UBE2W: variants seen among roughly 807,000 people sequenced by gnomAD.
The protein encoded by UBE2W is ubiquitin conjugating enzyme E2 W.
Under a neutral mutation model 27.2 loss-of-function variants are expected in UBE2W, and 18 were observed. The observed-to-expected ratio is 0.66, with a 90% CI of 0.46 to 0.98. UBE2W has a LOEUF of 0.98. Among genes scored for constraint, UBE2W ranks in the 50% least tolerant of loss-of-function variants. The pLI is 0.00. For synonymous variants in UBE2W, 53 were observed against 57.2 expected (o/e 0.93, Z 0.33); for missense variants, 90 against 180.2 (o/e 0.50, Z 2.87).
At chr8:73,828,501 G>C (rs1809942260) in intron 2 of UBE2W, among the ~76,000 whole-genome samples, 2 of 152,124 alleles carry the variant, frequency 1.3e-5, no homozygotes, top group Non-Finnish European at 2.9e-5. Context: ...GTCGAAATGA[G>C]TATAGTTAGT....
intron 1 of UBE2W, among the ~76,000 whole-genome samples, chr8:73,877,532 G>A (rs1442060405): frequency 6.6e-6 from 1 of 152,090 alleles, no homozygotes; most frequent in Admixed American, 6.5e-5. Context: ...TTGTACAAAA[G>A]AGGAAGAAGA....
chr8:73,790,969 A>G lies in UBE2W; in HGVS notation c.*3133T>C, dbSNP rs1586433521. On this transcript the variant is annotated 3_prime_UTR_variant, in exon 6 of 6. Coordinates refer to ENST00000602593, the MANE Select transcript of UBE2W (RefSeq NM_018299.6). ...TTCATGAGGGAAAAGGTAATAAACT[A>G]TTCTAGTTATTTTATACCAAATATT... The G allele has an allele frequency of 1.1e-5, 11 of 980,460 alleles. 1 individual carries two copies. In the East Asian group the frequency reaches 4.5e-4, roughly 40 times the overall value. 60.7% of individuals were successfully genotyped at this position (980,460 alleles called of 1,614,324 possible).
At chr8:73,838,301 C>T (rs1353542005) in intron 1 of UBE2W, among the ~76,000 whole-genome samples, 1 of 152,052 alleles carries the variant, frequency 6.6e-6, no homozygotes. Flanking sequence ...GTAAGAAAAC[C>T]ATTGACAAAT....
At chr8:73,829,460 T>C (rs901863386) in intron 2 of UBE2W, among the ~76,000 whole-genome samples, 3 of 152,204 alleles carry the variant, frequency 2.0e-5, no homozygotes, top group Non-Finnish European at 1.5e-5. Flanking sequence ...TGCTCCATTT[T>C]TGGTTGTTTT....
At chr8:73,849,512 CAAAAAAAAAA>C (rs71269951) in intron 1 of UBE2W, among the ~76,000 whole-genome samples, 28 of 22,780 alleles carry the variant, frequency 1.2e-3, no homozygotes, top group East Asian at 3.5e-3. Context: ...AACTCCATCT[CAAAAAAAAAA>C]AAAAAAAAAA....
downstream of UBE2W, among the ~76,000 whole-genome samples, chr8:73,781,567 A>G (rs1220776840): frequency 6.6e-6 from 1 of 151,556 alleles, no homozygotes; most frequent in Non-Finnish European, 1.5e-5. Context: ...TCTCAAGTAT[A>G]AGTGTACTGA....
chr8:73,829,393 A>G (rs1407005052), intron 2 of UBE2W, among the ~76,000 whole-genome samples: 1 of 152,160 alleles, frequency 6.6e-6, no homozygotes, highest in Non-Finnish European at 1.5e-5. Flanking sequence ...CATCAGGATG[A>G]AAAAAGAGTC....
chr8:73,845,226 T>C (rs1487612670), intron 1 of UBE2W, among the ~76,000 whole-genome samples: 1 of 152,166 alleles, frequency 6.6e-6, no homozygotes, highest in Non-Finnish European at 1.5e-5. Context: ...CAACAGCTCA[T>C]TGAGAACGGG....
chr8:73,802,858 C>T (rs1208653115), intron 5 of UBE2W, among the ~76,000 whole-genome samples: 1 of 152,042 alleles, frequency 6.6e-6, no homozygotes, highest in Non-Finnish European at 1.5e-5. Context: ...CCCGTCTCTA[C>T]TAAAAATACA....
intron 5 of UBE2W, among the ~76,000 whole-genome samples, chr8:73,803,074 G>A (rs1054752564): frequency 4.0e-5 from 6 of 151,432 alleles, no homozygotes; most frequent in Non-Finnish European, 2.9e-5. Context: ...AAAATCAGCT[G>A]GGCATGGTGG....
intron 3 of UBE2W, 113 bp downstream of exon 3, chr8:73,825,034 A>G (rs1221140702): frequency 1.6e-6 from 1 of 628,134 alleles, no homozygotes; most frequent in Non-Finnish European, 2.8e-6. Context: ...ATAATGAAAT[A>G]ACAAATCCAT....
chr8:73,782,881 C>T (rs1322631659), downstream of UBE2W, among the ~76,000 whole-genome samples: 1 of 152,168 alleles, frequency 6.6e-6, no homozygotes, highest in Non-Finnish European at 1.5e-5. Flanking sequence ...ATTCTAAATT[C>T]CCACCTGCAG....
At chr8:73,874,216 G>A (rs754597188) in intron 1 of UBE2W, among the ~76,000 whole-genome samples, 1 of 152,150 alleles carries the variant, frequency 6.6e-6, no homozygotes, top group Non-Finnish European at 1.5e-5. Context: ...CGGATCACGA[G>A]GTCAGGAGAT....
At chr8:73,869,866 G>A (rs963458320) in intron 1 of UBE2W, among the ~76,000 whole-genome samples, 4 of 152,100 alleles carry the variant, frequency 2.6e-5, no homozygotes, top group Non-Finnish European at 2.9e-5. Flanking sequence ...TGTCTCACCT[G>A]TCTCAAACAA....
intron 1 of UBE2W, among the ~76,000 whole-genome samples, chr8:73,878,270 G>A (rs552602113): frequency 6.6e-6 from 1 of 152,216 alleles, no homozygotes; most frequent in African/African-American, 2.4e-5. Context: ...AGAGAGGGAC[G>A]GGGCCGAGCA....
rs1807954567 is a variant in UBE2W, at chr8:73,786,378, C to T, written c.*7724G>A. The stretch of plus-strand genomic sequence containing the variant: ...CTTTGAGAAAGCTAGGATAAAAATA[C>T]AAGCATAACCAAGTTAATTCAATAC... On this transcript the variant is annotated 3_prime_UTR_variant, in exon 6 of 6. Coordinates refer to ENST00000602593, the MANE Select transcript of UBE2W (RefSeq NM_018299.6). The T allele has an allele frequency of 1.0e-6, 1 of 985,392 alleles. No individual in the cohort carries two copies. Among genetic ancestry groups the T allele is most frequent in the Non-Finnish European group, 1.2e-6 (1 of 829,914 alleles). 61.0% of individuals were successfully genotyped at this position (985,392 alleles called of 1,614,324 possible).
Position 73,790,466 on chromosome 8 carries a change from T to A in UBE2W, c.*3636A>T. 1 of 985,124 alleles carries A rather than the reference T, an allele frequency of 1.0e-6. No homozygotes were observed. Among genetic ancestry groups the A allele is most frequent in the Non-Finnish European group, 1.2e-6 (1 of 829,680 alleles). The allele number at this position is 985,124 out of a possible 1,614,324, so 61.0% of individuals were successfully genotyped here. On this transcript the variant is annotated 3_prime_UTR_variant, in exon 6 of 6. Coordinates refer to ENST00000602593, the MANE Select transcript of UBE2W (RefSeq NM_018299.6). ...AATCCTCAGAAAAGAAGAATATGGT[T>A]AAGCTTCAGTTCTTTTTGAAAAGCA... is the stretch of plus-strand genomic sequence containing the variant.
intron 1 of UBE2W, among the ~76,000 whole-genome samples, chr8:73,865,341 T>C (rs1026239123): frequency 6.6e-6 from 1 of 151,842 alleles, no homozygotes; most frequent in African/African-American, 2.4e-5. Context: ...TATAAAGAAA[T>C]GAATTCTATG....
chr8:73,864,267 G>C (rs760448276), intron 1 of UBE2W, among the ~76,000 whole-genome samples: 1 of 152,168 alleles, frequency 6.6e-6, no homozygotes, highest in East Asian at 1.9e-4. Flanking sequence ...GGTGGCACAT[G>C]ACTGTAATCC....
Sources: allele counts gnomAD v4.1 joint callset (sites outside exome capture counted in the v4.1 genomes callset), GRCh38; gene constraint gnomAD v4.1.1; transcripts MANE v1.5; gene names NCBI Gene and HGNC (gene_info 2026-07-23, HGNC 2026-07-21).